The following SESTD1 variants were observed in gnomAD, a reference collection of about 807,000 sequenced individuals.
SESTD1 encodes the protein SEC14 domain and spectrin repeat-containing protein 1.
A neutral mutation model predicts 101.7 loss-of-function variants in SESTD1; 43 were observed. The ratio of observed to expected loss-of-function variants is 0.42; its 90% CI spans 0.33 to 0.55. The LOEUF is 0.55. SESTD1 is among the 20% of genes least tolerant of loss of function. The pLI, the probability that SESTD1 is intolerant of heterozygous loss-of-function variation, is 0.07. For missense variants in SESTD1, 647 were observed against 815.1 expected (o/e 0.79, Z 2.51); for synonymous variants, 283 against 286.8 (o/e 0.99, Z 0.13).
chr2:179,229,782 T>TACACACACACACAC (rs141203169), intron 1 of SESTD1, among the ~76,000 whole-genome samples: 14 of 115,454 alleles, frequency 1.2e-4, no homozygotes, highest in South Asian at 3.1e-4. Context: ...TATACTCAAA[T>TACACACACACACAC]ACACACACAC....
chr2:179,242,945 A>G (rs2047176678), intron 1 of SESTD1, among the ~76,000 whole-genome samples: 3 of 152,212 alleles, frequency 2.0e-5, no homozygotes, highest in African/African-American at 7.2e-5. Context: ...ACAAAAATTG[A>G]CAAGTGGTAC....
chr2:179,196,306 A>G (rs530402425), intron 1 of SESTD1, among the ~76,000 whole-genome samples: 14 of 152,328 alleles, frequency 9.2e-5, no homozygotes, highest in Admixed American at 6.5e-4. Flanking sequence ...GGAGGGTCCT[A>G]CACCCACGGA....
At chr2:179,180,596 A>AT (rs1354253957) in intron 3 of SESTD1, among the ~76,000 whole-genome samples, 18 of 152,220 alleles carry the variant, frequency 1.2e-4, no homozygotes, top group Admixed American at 1.2e-3. Context: ...AGATAACGTG[A>AT]TAAAAACAAA....
At chr2:179,165,952 G>A (rs1333596257) in intron 5 of SESTD1, among the ~76,000 whole-genome samples, 3 of 152,176 alleles carry the variant, frequency 2.0e-5, no homozygotes, top group Non-Finnish European at 2.9e-5. Context: ...CAACTTTTCT[G>A]AAGCCACTGG....
At chr2:179,230,461 C>T (rs1033959808) in intron 1 of SESTD1, among the ~76,000 whole-genome samples, 11 of 151,710 alleles carry the variant, frequency 7.3e-5, no homozygotes, top group African/African-American at 2.4e-4. Flanking sequence ...TAAACAAGCA[C>T]TTAGGAGTAT....
chr2:179,253,255 G>C (rs2047344697), intron 1 of SESTD1, among the ~76,000 whole-genome samples: 1 of 152,044 alleles, frequency 6.6e-6, no homozygotes, highest in East Asian at 1.9e-4. Context: ...ACACCTCTGA[G>C]AAACTGTCAG....
rs962567810 is a variant in SESTD1, at chr2:179,123,702, A to T, written c.1282+13T>A. ...AAAAACCTTATGTTTCAGCATTTTT[A>T]AAATCTGCTTACCAACACTTTTCAG... On this transcript the variant is annotated intron_variant, in intron 12 of 17. Coordinates refer to ENST00000428443, the MANE Select transcript of SESTD1 (RefSeq NM_178123.5). 1 of 1,564,634 alleles carries T rather than the reference A, an allele frequency of 6.4e-7. No individual in the cohort carries two copies. Among genetic ancestry groups the T allele is most frequent in the Non-Finnish European group, 8.7e-7 (1 of 1,146,938 alleles).
At chr2:179,138,087 A>C (rs1313430449) in intron 9 of SESTD1, among the ~76,000 whole-genome samples, 1 of 152,166 alleles carries the variant, frequency 6.6e-6, no homozygotes, top group Non-Finnish European at 1.5e-5. Context: ...TGTTCAAACA[A>C]ATTCACTTGT....
At position 179,200,859 on chromosome 2, in the gene SESTD1, T is replaced by C. The variant is rs534913036; in HGVS notation, c.-25-8993A>G. Among the ~76,000 whole-genome samples, 46 of 134,208 alleles carry C rather than the reference T, an allele frequency of 3.4e-4. 9 individuals carry two copies. Among genetic ancestry groups the C allele is most frequent in the Non-Finnish European group, 5.9e-4 (37 of 62,706 alleles). 88.0% of individuals were successfully genotyped at this position (134,208 alleles called of 152,430 possible). A position where few individuals can be genotyped will look rare whatever the true frequency, so the allele number is the denominator to read the frequency against. On this transcript the variant is annotated intron_variant, in intron 1 of 17. Coordinates refer to ENST00000428443, the MANE Select transcript of SESTD1 (RefSeq NM_178123.5). Reference sequence around the variant, plus strand: ...GGCATTACCATTCAGGACATAGGCATGGGCAAGGACTTCATGTCTAAAACA... The same window carrying C: ...GGCATTACCATTCAGGACATAGGCACGGGCAAGGACTTCATGTCTAAAACA...
intron 12 of SESTD1, among the ~76,000 whole-genome samples, chr2:179,122,347 A>G: frequency 6.6e-6 from 1 of 152,218 alleles, no homozygotes; most frequent in East Asian, 1.9e-4. Context: ...AGCCTTGCAA[A>G]ATTTTAAGAC....
At chr2:179,190,122 G>A (rs1247331132) in intron 2 of SESTD1, among the ~76,000 whole-genome samples, 1 of 152,060 alleles carries the variant, frequency 6.6e-6, no homozygotes, top group African/African-American at 2.4e-5. Context: ...AAAAAATCCA[G>A]AGATACTACA....
At chr2:179,112,932 A>G (rs1411575399) in intron 16 of SESTD1, 87 bp from the exon 17 acceptor site, 3 of 1,449,084 alleles carry the variant, frequency 2.1e-6, no homozygotes, top group Admixed American at 4.9e-5. Context: ...AAAAAAAAAG[A>G]GAGAAAAGAA....
intron 9 of SESTD1, among the ~76,000 whole-genome samples, chr2:179,133,851 C>T (rs1040049264): frequency 6.6e-6 from 1 of 152,022 alleles, no homozygotes; most frequent in African/African-American, 2.4e-5. Flanking sequence ...GTTTGGATAT[C>T]CACAGATTTT....
chr2:179,115,129 A>G lies in SESTD1; in HGVS notation c.1775T>C (p.Ile592Thr). The change falls in exon 16 of 18, where the codon ATA (isoleucine) becomes ACA (threonine). Residue 592 changes from isoleucine (I) to threonine (T), a missense_variant. Physicochemically the swap from Ile to Thr is moderately conservative, Grantham distance 89 (BLOSUM62 -1). Around this residue, in one of 3 missense-constraint regions of SESTD1, gnomAD observed 476 missense variants for 562.6 expected, o/e 0.85. Transcript: ENST00000428443. ...TCTATGTACTCTCTCTTCAGATGCT[A>G]TTGTAAATTGTTTCCATACTCTGTT... ...RLNRVWKQFT[I>T]ASEERVHRLE... 6.2e-7 allele frequency: 1 copy of G among 1,613,554 alleles called. No individual in the cohort carries two copies.
At chr2:179,244,699 A>G (rs1188759221) in intron 1 of SESTD1, among the ~76,000 whole-genome samples, 1 of 152,240 alleles carries the variant, frequency 6.6e-6, no homozygotes. Flanking sequence ...ATAATGGTAA[A>G]AGAGGAAACC....
At chr2:179,168,375 G>A (rs941822760) in intron 5 of SESTD1, among the ~76,000 whole-genome samples, 1 of 152,066 alleles carries the variant, frequency 6.6e-6, no homozygotes, top group Non-Finnish European at 1.5e-5. Context: ...TATGTAATTA[G>A]TAAGGCTTTT....
intron 9 of SESTD1, among the ~76,000 whole-genome samples, chr2:179,139,013 C>A (rs1388540542): frequency 1.3e-5 from 2 of 151,790 alleles, no homozygotes; most frequent in Admixed American, 6.6e-5. Flanking sequence ...TTATGTAATC[C>A]TCATTTTTTT....
At chr2:179,247,094 G>T (rs2047243901) in intron 1 of SESTD1, among the ~76,000 whole-genome samples, 1 of 152,048 alleles carries the variant, frequency 6.6e-6, no homozygotes. Flanking sequence ...TACAATAGTG[G>T]TGAAGGCTGG....
chr2:179,122,595 AAT>A (rs1320897892), intron 12 of SESTD1, among the ~76,000 whole-genome samples: 1 of 152,216 alleles, frequency 6.6e-6, no homozygotes, highest in Non-Finnish European at 1.5e-5. Flanking sequence ...CATCTGTTAA[AAT>A]AACAGAGGCT....
Sources: gnomAD v4.1 joint callset for allele counts (sites outside exome capture counted in the v4.1 genomes callset) on GRCh38, gnomAD v4.1.1 for gene constraint, gnomAD v4.1.1 regional missense constraint, MANE v1.5 for transcripts, NCBI Gene and HGNC (gene_info 2026-07-23, HGNC 2026-07-21) for gene names.